The following FSHR variants were observed in gnomAD, a reference collection of about 807,000 sequenced individuals.
The protein encoded by FSHR is follicle stimulating hormone receptor, also known as follicle-stimulating hormone receptor.
Under a neutral mutation model 52.1 loss-of-function variants are expected in FSHR, and 46 were observed. That is an observed-to-expected ratio of 0.88 (90% CI 0.70 to 1.13). FSHR has a LOEUF of 1.13. Among genes scored for constraint, FSHR ranks in the 50% most tolerant of loss-of-function variants. The pLI is 0.00. For synonymous variants in FSHR, 399 were observed against 309.6 expected (o/e 1.29, Z -3.03); for missense variants, 964 against 834.6 (o/e 1.16, Z -1.91).
At chr2:49,067,177 G>A (rs1669537304) in intron 2 of FSHR, among the ~76,000 whole-genome samples, 1 of 152,058 alleles carries the variant, frequency 6.6e-6, no homozygotes. Context: ...TTTAATCGAG[G>A]TTATGCAGTA....
chr2:49,125,856 A>T (rs561946567), intron 1 of FSHR, among the ~76,000 whole-genome samples: 1 of 152,306 alleles, frequency 6.6e-6, no homozygotes, highest in East Asian at 1.9e-4. Flanking sequence ...GTCAGTTGCT[A>T]ACAGACCTAA....
In FSHR at chr2:48,962,839, G is replaced by A; in HGVS notation, c.1982C>T (p.Thr661Ile). The change falls in exon 10 of 10, where the codon ACT (threonine) becomes ATT (isoleucine). Residue 661 changes from threonine to isoleucine, a missense_variant. Coordinates refer to ENST00000406846, the MANE Select transcript of FSHR (RefSeq NM_000145.4). ...ATTCCTTGGATGGGTGTTGTGGACA[G>A]TGGATGAAGTTTCTGTCCTATAAAT... ...AQIYRTETSS[T>I]VHNTHPRNGH... The A allele has an allele frequency of 6.2e-7, 1 of 1,614,214 alleles. No homozygotes were observed. Among genetic ancestry groups the A allele is most frequent in the South Asian group, 1.1e-5 (1 of 91,084 alleles).
At position 49,135,769 on chromosome 2, in the gene FSHR, G is replaced by A. The variant is rs540889414; in HGVS notation, c.152+18497C>T. On this transcript the variant is annotated intron_variant, in intron 1 of 9. Transcript: ENST00000406846. ...TAAACAATTAACACATTCTGTATGT[G>A]TATTGTATACTGTATTCTTACAATA... Among the ~76,000 whole-genome samples, 27 of 152,224 alleles carry A rather than the reference G, an allele frequency of 1.8e-4. No homozygotes were observed. In the East Asian group the frequency reaches 5.2e-3, roughly 29 times the overall value.
chr2:49,148,182 G>A (rs1025840780), intron 1 of FSHR, among the ~76,000 whole-genome samples: 1 of 151,866 alleles, frequency 6.6e-6, no homozygotes. Context: ...GTATTATCAC[G>A]TAAGTCAAGA....
At chr2:48,966,856 A>G (rs954095313) in intron 9 of FSHR, among the ~76,000 whole-genome samples, 1 of 152,134 alleles carries the variant, frequency 6.6e-6, no homozygotes. Flanking sequence ...GCTATACCCC[A>G]ACAGGCCTGG....
At chr2:49,104,202 T>C (rs1671144423) in intron 1 of FSHR, among the ~76,000 whole-genome samples, 1 of 152,150 alleles carries the variant, frequency 6.6e-6, no homozygotes, top group South Asian at 2.1e-4. Flanking sequence ...CGGGTAATCC[T>C]TGAAGCTGGC....
chr2:49,099,833 T>C (rs1670961942), intron 1 of FSHR, among the ~76,000 whole-genome samples: 1 of 152,138 alleles, frequency 6.6e-6, no homozygotes. Context: ...ATGCTAACCC[T>C]AAGTTTAGCG....
chr2:49,024,764 A>T (rs1229515972), intron 2 of FSHR, among the ~76,000 whole-genome samples: 1 of 152,180 alleles, frequency 6.6e-6, no homozygotes, highest in Non-Finnish European at 1.5e-5. Flanking sequence ...TCAGTAAATT[A>T]AGAGACTCAA....
chr2:49,090,798 T>C (rs942014553), intron 1 of FSHR, among the ~76,000 whole-genome samples: 2 of 152,204 alleles, frequency 1.3e-5, no homozygotes, highest in African/African-American at 4.8e-5. Context: ...TGTTTTGAGC[T>C]GTTCTGATAG....
At chr2:49,088,198 G>T (rs555965423) in intron 1 of FSHR, among the ~76,000 whole-genome samples, 1 of 152,274 alleles carries the variant, frequency 6.6e-6, no homozygotes, top group African/African-American at 2.4e-5. Flanking sequence ...GTGGTGCAGA[G>T]GGATAAGAGA....
intron 2 of FSHR, among the ~76,000 whole-genome samples, chr2:49,037,350 T>C (rs561240967): frequency 6.6e-6 from 1 of 152,366 alleles, no homozygotes; most frequent in East Asian, 1.9e-4. Context: ...GATATTTTCA[T>C]ACCTACAGCA....
intron 5 of FSHR, 105 bp from the exon 6 acceptor site, chr2:48,989,159 T>C (rs577421694): frequency 2.6e-6 from 2 of 779,740 alleles, no homozygotes; most frequent in Admixed American, 2.1e-5. Flanking sequence ...TGAGGTAATG[T>C]ATTAATATAA....
At chr2:49,032,282 C>G (rs1357035855) in intron 2 of FSHR, among the ~76,000 whole-genome samples, 1 of 152,210 alleles carries the variant, frequency 6.6e-6, no homozygotes, top group Non-Finnish European at 1.5e-5. Context: ...GTCACACCAG[C>G]TGCACTTCTG....
At chr2:49,025,568 A>G (rs752683713) in intron 2 of FSHR, among the ~76,000 whole-genome samples, 3 of 152,156 alleles carry the variant, frequency 2.0e-5, no homozygotes, top group Non-Finnish European at 2.9e-5. Context: ...TATGTCATGT[A>G]TAAGAAGGCA....
chr2:48,996,371 A>G (rs1676023660), intron 4 of FSHR, among the ~76,000 whole-genome samples: 1 of 152,126 alleles, frequency 6.6e-6, no homozygotes, highest in African/African-American at 2.4e-5. Flanking sequence ...GAATTAGTGA[A>G]TCACTGGCCC....
chr2:49,106,586 A>G (rs1487516235), intron 1 of FSHR, among the ~76,000 whole-genome samples: 1 of 152,180 alleles, frequency 6.6e-6, no homozygotes, highest in African/African-American at 2.4e-5. Context: ...TTACTTTTAT[A>G]CCATGTAAAG....
intron 2 of FSHR, among the ~76,000 whole-genome samples, chr2:49,048,272 G>T (rs376009679): frequency 6.6e-6 from 1 of 150,744 alleles, no homozygotes; most frequent in Admixed American, 6.6e-5. Flanking sequence ...TAAAAAAAAA[G>T]TAAAATAAAT....
chr2:49,007,914 C>T (rs1667125709), intron 4 of FSHR, among the ~76,000 whole-genome samples: 1 of 151,846 alleles, frequency 6.6e-6, no homozygotes, highest in African/African-American at 2.4e-5. Flanking sequence ...AGCTGAGGTA[C>T]AAAGAGATGA....
chr2:49,014,866 G>C (rs923779012), intron 4 of FSHR: 1 of 467,742 alleles, frequency 2.1e-6, no homozygotes, highest in Non-Finnish European at 4.4e-6. Flanking sequence ...TCATGTCCTA[G>C]AGAGCATTTG....
Sources: gnomAD v4.1 joint callset for allele counts (sites outside exome capture counted in the v4.1 genomes callset) on GRCh38, gnomAD v4.1.1 for gene constraint, MANE v1.5 for transcripts, NCBI Gene and HGNC (gene_info 2026-07-23, HGNC 2026-07-21) for gene names.